The following KCNMA1 variants were observed in gnomAD, a reference collection of about 807,000 sequenced individuals.
KCNMA1 encodes the protein Calcium-activated potassium channel subunit alpha-1.
A neutral mutation model predicts 140.0 loss-of-function variants in KCNMA1; 29 were observed. That is an observed-to-expected ratio of 0.21 (90% confidence interval 0.15 to 0.28). The LOEUF (loss-of-function observed/expected upper bound fraction) is 0.28. Ranked by LOEUF, KCNMA1 falls within the 10% of genes least tolerant of loss-of-function variation. The pLI is 1.00. For synonymous variants in KCNMA1, 612 were observed against 611.9 expected, an observed-to-expected ratio of 1.00 and a Z score of 0.00; for missense variants, 880 against 1,602.2, an observed-to-expected ratio of 0.55 and a Z score of 7.70.
At chr10:76,986,867 A>T (rs1158467915) in intron 19 of KCNMA1, among the ~76,000 whole-genome samples, 1 of 152,220 alleles carries the variant, frequency 6.6e-6, no homozygotes, top group Non-Finnish European at 1.5e-5. Context: ...TACAGAGCCC[A>T]CCATGTGCTG....
intron 2 of KCNMA1, among the ~76,000 whole-genome samples, chr10:77,362,638 C>T (rs2094068609): frequency 6.6e-6 from 1 of 152,082 alleles, no homozygotes; most frequent in Non-Finnish European, 1.5e-5. Flanking sequence ...GACGTCCTGC[C>T]TCAGACCCCG....
chr10:77,334,009 A>T (rs1602989081), intron 2 of KCNMA1, among the ~76,000 whole-genome samples: 1 of 152,216 alleles, frequency 6.6e-6, no homozygotes, highest in East Asian at 1.9e-4. Flanking sequence ...AATAAGATCA[A>T]GTAAGCCCAC....
rs527525071 is a variant in KCNMA1, at chr10:77,428,700, T to C, written c.379-24677A>G. Among the ~76,000 whole-genome samples the C allele has an allele frequency of 8.5e-5, 13 of 152,166 alleles. No homozygotes were observed. The South Asian group carries it at 2.7e-3, about 32-fold the overall frequency. On this transcript the variant is annotated intron_variant, in intron 1 of 27. Coordinates refer to ENST00000286628, the MANE Select transcript of KCNMA1 (RefSeq NM_001161352.2). ...CCATTACCTATTGTGTTTTGGTTAC[T>C]GGAGAAAAATGTGTGATTGGGGAAG...
At chr10:77,330,371 G>T (rs2085910876) in intron 2 of KCNMA1, among the ~76,000 whole-genome samples, 1 of 152,114 alleles carries the variant, frequency 6.6e-6, no homozygotes, top group South Asian at 2.1e-4. Flanking sequence ...AATTTTAGAG[G>T]AGCCCACGGG....
chr10:77,167,574 T>C (rs1016847906), intron 5 of KCNMA1, among the ~76,000 whole-genome samples: 5 of 152,090 alleles, frequency 3.3e-5, no homozygotes. Context: ...ATGATGATAA[T>C]AATGAAACCG....
chr10:77,106,537 T>TA (rs1465579932), intron 9 of KCNMA1, among the ~76,000 whole-genome samples: 6 of 81,470 alleles, frequency 7.4e-5, no homozygotes, highest in African/African-American at 3.1e-4. Flanking sequence ...AATTATTTCA[T>TA]TAAAAAAAAA....
intron 17 of KCNMA1, among the ~76,000 whole-genome samples, chr10:77,013,407 T>C (rs1002140148): frequency 6.6e-6 from 1 of 152,044 alleles, no homozygotes; most frequent in Non-Finnish European, 1.5e-5. Context: ...AAATGCCAGC[T>C]GTCATCTATG....
chr10:77,441,718 G>A lies in KCNMA1; in HGVS notation c.379-37695C>T, dbSNP rs138988190. Reference sequence around the variant, plus strand: ...TCTTCCCTCCTGTTAACCACTCTGCGACCCTGCAGACTCACCATATGGTCC... The same window carrying A: ...TCTTCCCTCCTGTTAACCACTCTGCAACCCTGCAGACTCACCATATGGTCC... On this transcript the variant is annotated intron_variant, in intron 1 of 27. Transcript: ENST00000286628. Among the ~76,000 whole-genome samples, 341 of 152,160 alleles carry A rather than the reference G, an allele frequency of 2.2e-3. 1 individual carries two copies. Among genetic ancestry groups the A allele is most frequent in the African/African-American group, 7.6e-3 (317 of 41,506 alleles).
At chr10:77,335,325 C>A (rs933578558) in intron 2 of KCNMA1, among the ~76,000 whole-genome samples, 1 of 152,170 alleles carries the variant, frequency 6.6e-6, no homozygotes, top group Admixed American at 6.5e-5. Context: ...AAGGTTAAAT[C>A]CCATTCCATC....
At chr10:77,070,671 TC>T (rs2096164758) in intron 14 of KCNMA1, among the ~76,000 whole-genome samples, 1 of 152,182 alleles carries the variant, frequency 6.6e-6, no homozygotes, top group South Asian at 2.1e-4. Flanking sequence ...GGTTTACTTT[TC>T]CACCTACCCC....
Position 77,387,607 on chromosome 10 carries a change from C to CTTTCT in KCNMA1, c.540+16250_540+16254dup, listed in dbSNP as rs796705269. Among the ~76,000 whole-genome samples, 397 of 114,220 alleles carry CTTTCT rather than the reference C, an allele frequency of 3.5e-3. 2 individuals carry two copies. The highest frequency in any genetic ancestry group is 0.01 in the African/African-American group (288 of 28,312). 74.9% of individuals were successfully genotyped at this position (114,220 alleles called of 152,430 possible). A position where few individuals can be genotyped will look rare whatever the true frequency, so the allele number is the denominator to read the frequency against. On this transcript the variant is annotated intron_variant, in intron 2 of 27. Transcript: ENST00000286628. ...TTTCTCTTTTCTTTTCTTTTCTTTT[C>CTTTCT]TTTCTTTTCTTTTCTTTTCTTTTCT...
At chr10:77,365,463 T>A (rs564077442) in intron 2 of KCNMA1, among the ~76,000 whole-genome samples, 2 of 151,932 alleles carry the variant, frequency 1.3e-5, no homozygotes, top group Non-Finnish European at 2.9e-5. Context: ...TCCTAGAGAG[T>A]CTCTCAATCA....
At chr10:77,468,011 A>G (rs181515418) in intron 1 of KCNMA1, among the ~76,000 whole-genome samples, 210 of 152,102 alleles carry the variant, frequency 1.4e-3, no homozygotes, top group African/African-American at 4.6e-3. Context: ...ATTTTTATTT[A>G]TTTTTAAATT....
At chr10:77,635,463 T>C (rs1398729332) in intron 1 of KCNMA1, 1 of 152,196 alleles carries the variant, frequency 6.6e-6, no homozygotes, top group Non-Finnish European at 1.5e-5. Context: ...CACACAACTA[T>C]GAGCTATCTT....
intron 1 of KCNMA1, among the ~76,000 whole-genome samples, chr10:77,494,509 G>A (rs2041153456): frequency 6.6e-6 from 1 of 152,234 alleles, no homozygotes; most frequent in Non-Finnish European, 1.5e-5. Context: ...CAATGTCAGT[G>A]AATTGGCAGC....
Position 76,886,177 on chromosome 10 carries a change from C to A in KCNMA1, c.*1089G>T. The A allele has an allele frequency of 1.0e-6, 1 of 985,396 alleles. No homozygotes were observed. The highest frequency in any genetic ancestry group is 4.7e-5 in the South Asian group (1 of 21,292). The allele number at this position is 985,396 out of a possible 1,614,324, so 61.0% of individuals were successfully genotyped here. ...CATGATCTGCAGCTGGGTTTGTCTT[C>A]CTCTCACTCTACCATTGCCCCAGCC... On this transcript the variant is annotated 3_prime_UTR_variant, in exon 28 of 28. Coordinates refer to ENST00000286628, the MANE Select transcript of KCNMA1 (RefSeq NM_001161352.2).
chr10:77,556,285 A>G (rs1029781561), intron 1 of KCNMA1, among the ~76,000 whole-genome samples: 1 of 152,088 alleles, frequency 6.6e-6, no homozygotes, highest in Non-Finnish European at 1.5e-5. Context: ...CAGGTGGATC[A>G]TTTGAGTTTA....
intron 3 of KCNMA1, among the ~76,000 whole-genome samples, chr10:77,238,696 A>G (rs943779036): frequency 2.0e-5 from 3 of 152,190 alleles, no homozygotes; most frequent in African/African-American, 7.2e-5. Flanking sequence ...CCTCTGCTTA[A>G]CCTTCGGGTT....
At chr10:77,503,451 C>T (rs570916352) in intron 1 of KCNMA1, among the ~76,000 whole-genome samples, 44 of 152,218 alleles carry the variant, frequency 2.9e-4, no homozygotes, top group Middle Eastern at 3.4e-3. Flanking sequence ...TGGGATTCTC[C>T]GTCCACCCAG....
Sources: gnomAD v4.1 joint callset for allele counts (sites outside exome capture counted in the v4.1 genomes callset) on GRCh38, gnomAD v4.1.1 for gene constraint, MANE v1.5 for transcripts, NCBI Gene and HGNC (gene_info 2026-07-23, HGNC 2026-07-21) for gene names.